The following DIS3L2 variants were observed in gnomAD, a reference collection of about 807,000 sequenced individuals.
DIS3L2 encodes DIS3-like exonuclease 2.
DIS3L2 carries 34 observed loss-of-function variants against 97.5 expected under a neutral mutation model. The ratio of observed to expected loss-of-function variants is 0.35; its 90% CI spans 0.27 to 0.46. The LOEUF is 0.46. DIS3L2 is among the 20% of genes least tolerant of loss of function. The pLI is 1.00. For missense variants in DIS3L2, 1,038 were observed against 1,146.0 expected, an observed-to-expected ratio of 0.91 and a Z score of 1.36; for synonymous variants, 435 against 445.2, an observed-to-expected ratio of 0.98 and a Z score of 0.29.
chr2:232,204,376 T>C (rs912103948), intron 9 of DIS3L2, among the ~76,000 whole-genome samples: 11 of 152,198 alleles, frequency 7.2e-5, no homozygotes, highest in Admixed American at 3.3e-4. Context: ...TATAGAAGAC[T>C]TACTCTTCAT....
chr2:232,224,069 G>A (rs114994412), intron 10 of DIS3L2, among the ~76,000 whole-genome samples: 3,268 of 152,296 alleles, frequency 0.021, 60 homozygotes, highest in Middle Eastern at 0.054. Flanking sequence ...TCCAGCCTGG[G>A]CGACAGAGTG....
chr2:232,183,912 T>G (rs3116189), intron 9 of DIS3L2, among the ~76,000 whole-genome samples: 140,885 of 152,156 alleles, frequency 0.93, 65,299 homozygotes, highest in East Asian at 1. Flanking sequence ...AACCTGTTCT[T>G]GCCACTCCAG....
chr2:232,020,092 G>T (rs573489297), intron 3 of DIS3L2, among the ~76,000 whole-genome samples: 34 of 152,026 alleles, frequency 2.2e-4, no homozygotes, highest in Non-Finnish European at 4.3e-4. Context: ...AAGGAAGCCT[G>T]TTGGAACATT....
At chr2:232,122,568 A>T (rs1376445782) in intron 6 of DIS3L2, among the ~76,000 whole-genome samples, 1 of 152,134 alleles carries the variant, frequency 6.6e-6, no homozygotes, top group African/African-American at 2.4e-5. Flanking sequence ...AAATACAAAA[A>T]TTAGCCGGGC....
chr2:232,000,652 CCTTTCCTT>C, intron 1 of DIS3L2, among the ~76,000 whole-genome samples: 1 of 140,690 alleles, frequency 7.1e-6, no homozygotes, highest in East Asian at 2.1e-4. Flanking sequence ...CCTTTCCTTT[CCTTTCCTT>C]TCTCTTTCTC....
chr2:232,245,410 G>A (rs1489952630), intron 11 of DIS3L2, among the ~76,000 whole-genome samples: 1 of 152,234 alleles, frequency 6.6e-6, no homozygotes, highest in East Asian at 1.9e-4. Context: ...TGTGCCTGGG[G>A]TTGTGGGAGA....
chr2:232,324,941 C>G (rs1279480028), intron 14 of DIS3L2, among the ~76,000 whole-genome samples: 1 of 152,184 alleles, frequency 6.6e-6, no homozygotes, highest in African/African-American at 2.4e-5. Flanking sequence ...AGGGACACCC[C>G]CCAACCCCTA....
At chr2:232,285,055 A>G (rs1694391102) in intron 13 of DIS3L2, among the ~76,000 whole-genome samples, 1 of 152,160 alleles carries the variant, frequency 6.6e-6, no homozygotes, top group Non-Finnish European at 1.5e-5. Context: ...TCCCCAACCC[A>G]TTTTTAATAG....
intron 3 of DIS3L2, chr2:232,015,895 T>G (rs1694342281): frequency 5.1e-6 from 2 of 395,344 alleles, no homozygotes; most frequent in African/African-American, 2.0e-5. Flanking sequence ...GGAAAAGTGC[T>G]CTGAGATTTG....
chr2:232,314,134 C>T (rs1459011482), intron 14 of DIS3L2, among the ~76,000 whole-genome samples: 1 of 152,182 alleles, frequency 6.6e-6, no homozygotes, highest in Non-Finnish European at 1.5e-5. Context: ...GCCTGTGGCC[C>T]TAAAGGGCTG....
chr2:232,318,538 G>C (rs1026267382), intron 14 of DIS3L2, among the ~76,000 whole-genome samples: 1 of 152,172 alleles, frequency 6.6e-6, no homozygotes, highest in African/African-American at 2.4e-5. Context: ...TTGCAAGGGG[G>C]TGACAAAGGC....
intron 9 of DIS3L2, among the ~76,000 whole-genome samples, chr2:232,190,778 G>C (rs763132397): frequency 6.6e-6 from 1 of 152,128 alleles, no homozygotes; most frequent in South Asian, 2.1e-4. Context: ...ATCTGATGAG[G>C]GAAGAGGACC....
At chr2:232,206,995 A>AT (rs1215155606) in intron 9 of DIS3L2, among the ~76,000 whole-genome samples, 5 of 152,228 alleles carry the variant, frequency 3.3e-5, no homozygotes, top group Middle Eastern at 3.2e-3. Context: ...GAGACGTTTA[A>AT]TTTTAAGAAA....
rs183901077 is a variant in DIS3L2 at position 232,263,327 on chromosome 2, A to G, written c.1546A>G (p.Ile516Val). The change falls in exon 13 of 21, where the codon ATT becomes GTT. Residue 516 changes from isoleucine (I) to valine (V), a missense_variant. Around this residue, in one of 3 missense-constraint regions of DIS3L2, gnomAD observed 813 missense variants for 880.1 expected, o/e 0.92. Transcript: ENST00000325385. ...EKIPAKELPP[I>V]SPEHSSEEVH... ...AATCCCTGCGAAAGAGCTGCCCCCC[A>G]TTTCCCCAGAGCATAGCAGCGAGGA... The G allele has an allele frequency of 2.5e-6, 4 of 1,614,010 alleles. No homozygotes were observed. Among genetic ancestry groups the G allele is most frequent in the Non-Finnish European group, 3.4e-6 (4 of 1,180,016 alleles).
chr2:232,317,828 C>T (rs1695319307), intron 14 of DIS3L2, among the ~76,000 whole-genome samples: 1 of 152,122 alleles, frequency 6.6e-6, no homozygotes, highest in African/African-American at 2.4e-5. Context: ...TTCATAATAA[C>T]ACTAATATTT....
At chr2:231,988,187 T>C (rs1441003711) in intron 1 of DIS3L2, among the ~76,000 whole-genome samples, 2 of 152,250 alleles carry the variant, frequency 1.3e-5, no homozygotes, top group Non-Finnish European at 2.9e-5. Context: ...TGACGTTTTA[T>C]AACTATTAAG....
intron 9 of DIS3L2, among the ~76,000 whole-genome samples, chr2:232,183,759 C>T (rs987493054): frequency 5.3e-5 from 8 of 152,174 alleles, no homozygotes; most frequent in Non-Finnish European, 1.2e-4. Flanking sequence ...GATGAACACC[C>T]CTGGGGCTAT....
intron 14 of DIS3L2, among the ~76,000 whole-genome samples, chr2:232,301,220 T>C (rs956527901): frequency 6.6e-6 from 1 of 152,184 alleles, no homozygotes; most frequent in Admixed American, 6.5e-5. Flanking sequence ...TCAGGGTGAC[T>C]CACCACGGCT....
In DIS3L2 at chr2:232,030,096, C is replaced by T. The variant is rs758294049; in HGVS notation, c.366+16C>T. 3.7e-6 allele frequency: 6 copies of T among 1,602,418 alleles called. No homozygotes were observed. Among genetic ancestry groups the T allele is most frequent in the African/African-American group, 1.3e-5 (1 of 74,342 alleles). On this transcript the variant is annotated intron_variant, in intron 5 of 20. Coordinates refer to ENST00000325385, the MANE Select transcript of DIS3L2 (RefSeq NM_152383.5). ...GCATTGGAAGGTGAGTTAAGTTTTCCCTTTCTAATTACAGATTTCTTAGGG... is the reference window on the plus strand; with the variant it reads ...GCATTGGAAGGTGAGTTAAGTTTTCTCTTTCTAATTACAGATTTCTTAGGG...
Sources: gnomAD v4.1 joint callset for allele counts (sites outside exome capture counted in the v4.1 genomes callset) on GRCh38, gnomAD v4.1.1 for gene constraint, gnomAD v4.1.1 regional missense constraint, MANE v1.5 for transcripts, NCBI Gene and HGNC (gene_info 2026-07-23, HGNC 2026-07-21) for gene names.